The following GUCY1A1 variants were observed in gnomAD, a reference collection of about 807,000 sequenced individuals.
GUCY1A1 encodes guanylate cyclase soluble subunit alpha-1.
A neutral mutation model predicts 64.5 loss-of-function variants in GUCY1A1; 48 were observed. The ratio of observed to expected loss-of-function variants is 0.74; its 90% CI spans 0.59 to 0.95. The LOEUF (loss-of-function observed/expected upper bound fraction) is 0.95. GUCY1A1 is among the 40% of genes least tolerant of loss of function. The pLI is 0.00. For synonymous variants in GUCY1A1, 308 were observed against 303.4 expected (o/e 1.02, Z -0.16); for missense variants, 804 against 825.3 (o/e 0.97, Z 0.32).
At chr4:155,682,026 A>G (rs1010828435) in intron 2 of GUCY1A1, among the ~76,000 whole-genome samples, 5 of 152,282 alleles carry the variant, frequency 3.3e-5, no homozygotes, top group Admixed American at 2.6e-4. Context: ...ACAAAACTTC[A>G]GAGTCATTCT....
At chr4:155,671,408 T>C (rs570350770) in intron 2 of GUCY1A1, among the ~76,000 whole-genome samples, 2 of 152,314 alleles carry the variant, frequency 1.3e-5, no homozygotes, top group East Asian at 1.9e-4. Context: ...CTGTATCTTG[T>C]AGCCAACTAC....
Position 155,710,865 on chromosome 4 carries a change from T to A in GUCY1A1, c.700T>A (p.Ser234Thr), listed in dbSNP as rs751999994. 2.5e-6 allele frequency: 4 copies of A among 1,613,934 alleles called. No individual in the cohort carries two copies. In the Admixed American group the frequency reaches 6.7e-5, roughly 27 times the overall value. The change falls in exon 6 of 10, where the codon TCG becomes ACG. Residue 234 changes from serine to threonine, a missense_variant. Ser to Thr is a moderately conservative substitution (Grantham distance 58). Transcript: ENST00000506455. ...HVLYETEVEV[S>T]LMPPCFHNDC... Reference sequence around the variant, plus strand: ...ATTATATGAAACGGAAGTGGAAGTGTCGTTAATGCCTCCCTGCTTCCATAA... The same window carrying A: ...ATTATATGAAACGGAAGTGGAAGTGACGTTAATGCCTCCCTGCTTCCATAA...
rs1732262085 is a variant in GUCY1A1, at chr4:155,709,548, TC to T, written c.377-993del. 3.9e-5 allele frequency among the ~76,000 whole-genome samples: 6 copies of T among 152,248 alleles called. No homozygotes were observed. The South Asian group carries it at 1.2e-3, about 32-fold the overall frequency. ...AACAGAAAGTACTAAAAAAACTGCC[TC>T]TTGGCAAGGCATGGTGGTTCACGCC... On this transcript the variant is annotated intron_variant, in intron 5 of 9. Transcript: ENST00000506455.
intron 2 of GUCY1A1, among the ~76,000 whole-genome samples, chr4:155,674,849 T>C (rs1734673136): frequency 6.6e-6 from 1 of 151,662 alleles, no homozygotes; most frequent in East Asian, 1.9e-4. Flanking sequence ...AGTAAATACA[T>C]AAACCAATAA....
chr4:155,703,965 T>C lies in GUCY1A1; in HGVS notation c.289T>C (p.Leu97=), dbSNP rs747483912. The C allele has an allele frequency of 3.7e-6, 6 of 1,608,604 alleles. No homozygotes were observed. Among genetic ancestry groups the C allele is most frequent in the South Asian group, 1.1e-5 (1 of 90,342 alleles). Residue 97 remains leucine, a synonymous_variant, in exon 4 of 10, where the codon TTG becomes CTG. Transcript: ENST00000506455. ...ERLNVALQRT[L]AKHKIKESRK... is the part of the protein sequence containing the mutation. ...GCTGAATGTTGCACTTCAGAGAACA[T>C]TGGCAAAGCACAAAATAAAAGAAAG...
Position 155,696,889 on chromosome 4 carries a change from G to T in GUCY1A1, c.22G>T (p.Asp8Tyr), listed in dbSNP as rs767935371. 3.1e-6 allele frequency: 5 copies of T among 1,613,612 alleles called. No individual in the cohort carries two copies. Among genetic ancestry groups the T allele is most frequent in the Non-Finnish European group, 3.4e-6 (4 of 1,179,646 alleles). MFCTKLK[D>Y]LKITGECPFS... ...CACCATGTTCTGCACGAAGCTCAAG[G>T]ATCTCAAGATCACAGGAGAGTGTCC... is the stretch of plus-strand genomic sequence containing the variant. The change falls in exon 3 of 10, where the codon GAT (aspartate) becomes TAT (tyrosine). Residue 8 changes from aspartate (D) to tyrosine (Y), a missense_variant. Asp to Tyr is a radical substitution (Grantham distance 160). Transcript: ENST00000506455.
intron 2 of GUCY1A1, among the ~76,000 whole-genome samples, chr4:155,683,796 C>T (rs1465327342): frequency 1.3e-5 from 2 of 152,006 alleles, no homozygotes; most frequent in Admixed American, 6.5e-5. Flanking sequence ...TTATGTTAAC[C>T]CTCAAAAGAT....
intron 2 of GUCY1A1, among the ~76,000 whole-genome samples, chr4:155,681,461 T>C (rs1480399533): frequency 1.3e-5 from 2 of 152,206 alleles, no homozygotes; most frequent in Admixed American, 1.3e-4. Flanking sequence ...TGTAGTACTT[T>C]ATCACTATAA....
intron 4 of GUCY1A1, among the ~76,000 whole-genome samples, chr4:155,704,754 G>A (rs1445962598): frequency 6.6e-6 from 1 of 151,790 alleles, no homozygotes; most frequent in Non-Finnish European, 1.5e-5. Context: ...GTCTCACTCT[G>A]TCATCCAGGC....
intron 2 of GUCY1A1, among the ~76,000 whole-genome samples, chr4:155,674,663 A>G (rs1198683148): frequency 1.3e-5 from 2 of 151,398 alleles, no homozygotes; most frequent in African/African-American, 4.9e-5. Context: ...CCACTGCCAC[A>G]TTTCTCACTG....
intron 2 of GUCY1A1, among the ~76,000 whole-genome samples, chr4:155,674,614 G>A (rs926878791): frequency 6.6e-6 from 1 of 150,954 alleles, no homozygotes; most frequent in Admixed American, 6.6e-5. Context: ...ACCTTAGCAT[G>A]GACCTACACA....
intron 2 of GUCY1A1, chr4:155,667,718 C>T (rs964083470): frequency 3.3e-5 from 5 of 151,378 alleles, no homozygotes; most frequent in African/African-American, 1.2e-4. Context: ...CGGGGCCGGG[C>T]CGTGAGAACG....
chr4:155,713,615 C>G (rs1364493267), intron 7 of GUCY1A1, 32 bp downstream of exon 7: 3 of 1,596,466 alleles, frequency 1.9e-6, no homozygotes, highest in Non-Finnish European at 2.6e-6. Context: ...AATTGTTTTA[C>G]CAGCAAACTC....
chr4:155,712,104 G>A (rs1732648941), intron 6 of GUCY1A1, among the ~76,000 whole-genome samples: 1 of 152,056 alleles, frequency 6.6e-6, no homozygotes, highest in Non-Finnish European at 1.5e-5. Flanking sequence ...TGGAGTCTTA[G>A]TGGTATCCCA....
rs756725709 is a variant in GUCY1A1 at position 155,713,439 on chromosome 4, G to A, written c.1428G>A (p.Lys476=). 5.6e-6 allele frequency: 9 copies of A among 1,614,066 alleles called. No individual in the cohort carries two copies. Among genetic ancestry groups the A allele is most frequent in the African/African-American group, 1.3e-5 (1 of 74,930 alleles). The change falls in exon 7 of 10, where the codon AAG becomes AAA. Residue 476 remains lysine, a synonymous_variant. Coordinates refer to ENST00000506455, the MANE Select transcript of GUCY1A1 (RefSeq NM_001130682.3). ...LWQGQVVQAK[K]FSNVTMLFSD... ...AAGGGCAAGTTGTGCAAGCCAAGAA[G>A]TTCAGTAATGTCACCATGCTCTTCT...
chr4:155,684,802 T>C (rs546246605), intron 2 of GUCY1A1, among the ~76,000 whole-genome samples: 1 of 152,186 alleles, frequency 6.6e-6, no homozygotes, highest in South Asian at 2.1e-4. Flanking sequence ...CAAAGTGAAG[T>C]TTTCAAAGGG....
In GUCY1A1 at chr4:155,703,997, A is replaced by C. The variant is rs766523143; in HGVS notation, c.317+4A>C. 1.3e-6 allele frequency: 2 copies of C among 1,584,058 alleles called. No individual in the cohort carries two copies. Among genetic ancestry groups the C allele is most frequent in the South Asian group, 2.2e-5 (2 of 89,492 alleles). On this transcript the variant is annotated splice_donor_region_variant and intron_variant, in intron 4 of 9. Coordinates refer to ENST00000506455, the MANE Select transcript of GUCY1A1 (RefSeq NM_001130682.3). ...AGCACAAAATAAAAGAAAGCAGGTA[A>C]GTCAAACCACTTTAGTTGTGTGAAC... is the stretch of plus-strand genomic sequence containing the variant.
At chr4:155,711,784 T>A (rs1412653745) in intron 6 of GUCY1A1, among the ~76,000 whole-genome samples, 1 of 152,224 alleles carries the variant, frequency 6.6e-6, no homozygotes, top group African/African-American at 2.4e-5. Flanking sequence ...TGCTAACTCA[T>A]AGTTGATAAT....
chr4:155,685,667 C>T (rs1282048244), intron 2 of GUCY1A1, among the ~76,000 whole-genome samples: 1 of 144,158 alleles, frequency 6.9e-6, no homozygotes, highest in East Asian at 2.2e-4. Context: ...TATACTTCTC[C>T]ATTAATGTGT....
Sources: gnomAD v4.1 joint callset for allele counts (sites outside exome capture counted in the v4.1 genomes callset) on GRCh38, gnomAD v4.1.1 for gene constraint, MANE v1.5 for transcripts, NCBI Gene and HGNC (gene_info 2026-07-23, HGNC 2026-07-21) for gene names.